TFR2: variants seen among roughly 807,000 people sequenced by gnomAD.
TFR2 encodes the protein transferrin receptor 2, also known as transferrin receptor protein 2.
Under a neutral mutation model 91.9 loss-of-function variants are expected in TFR2, and 64 were observed. The ratio of observed to expected loss-of-function variants is 0.70; its 90% CI spans 0.57 to 0.86. The LOEUF (loss-of-function observed/expected upper bound fraction) is 0.86. Among genes scored for constraint, TFR2 ranks in the 40% least tolerant of loss-of-function variants. The pLI, the probability that TFR2 is intolerant of heterozygous loss-of-function variation, is 0.00. For missense variants in TFR2, 950 were observed against 1,080.5 expected (o/e 0.88, Z 1.69); for synonymous variants, 454 against 459.6 (o/e 0.99, Z 0.15).
At chr7:100,632,738 CTTTTTTTT>C (rs35046097) in intron 6 of TFR2, 1 of 184,680 alleles carries the variant, frequency 5.4e-6, no homozygotes, top group Non-Finnish European at 9.6e-6. Context: ...AAAAAAGAAC[CTTTTTTTT>C]TTTTTTTTTT....
intron 6 of TFR2, chr7:100,632,738 CTT>C (rs35046097): frequency 0.029 from 5,372 of 183,198 alleles, 1 homozygote; most frequent in Middle Eastern, 0.052. Flanking sequence ...AAAAAAGAAC[CTT>C]TTTTTTTTTT....
intron 9 of TFR2, 107 bp from the exon 10 acceptor site, chr7:100,629,479 GCCCTGCAGT>G: frequency 3.8e-6 from 6 of 1,585,170 alleles, no homozygotes; most frequent in Non-Finnish European, 4.3e-6. Flanking sequence ...GGCAACCCTA[GCCCTGCAGT>G]CCCTCCAGTC....
chr7:100,631,949 C>T lies in TFR2; in HGVS notation c.967-4G>A, dbSNP rs2131318431. ...GGTCTCCAGTTCCCAGGTGCACCTGCAGGGAAAGGGGTGCCCACGCAAAGC... is the reference window on the plus strand; with the variant it reads ...GGTCTCCAGTTCCCAGGTGCACCTGTAGGGAAAGGGGTGCCCACGCAAAGC... On this transcript the variant is annotated splice_region_variant and splice_polypyrimidine_tract_variant and intron_variant, in intron 7 of 17. Coordinates refer to ENST00000223051, the MANE Select transcript of TFR2 (RefSeq NM_003227.4). 6.2e-7 allele frequency: 1 copy of T among 1,613,972 alleles called. No individual in the cohort carries two copies.
intron 16 of TFR2, 127 bp from the exon 17 acceptor site, chr7:100,627,030 A>C: frequency 7.1e-7 from 1 of 1,404,352 alleles, no homozygotes; most frequent in Non-Finnish European, 9.5e-7. Context: ...GGGAGGAGGT[A>C]GACGAGGACA....
chr7:100,639,808 G>A (rs1431374982), intron 3 of TFR2: 2 of 117,614 alleles, frequency 1.7e-5, no homozygotes, highest in Admixed American at 2.1e-4. Context: ...TTTTTGAGAT[G>A]GAGTCTCGCT....
chr7:100,626,667 A>G (rs1803258289), intron 17 of TFR2, 96 bp downstream of exon 17: 3 of 1,506,520 alleles, frequency 2.0e-6, no homozygotes, highest in East Asian at 2.5e-5. Flanking sequence ...GTAGGCGGGG[A>G]GAGAGAGGAG....
chr7:100,621,244 G>T, intron 17 of TFR2, 118 bp from the exon 18 acceptor site: 1 of 1,305,756 alleles, frequency 7.7e-7, no homozygotes, highest in Non-Finnish European at 1.0e-6. Context: ...TTCTTTTTGT[G>T]TTTGTTTTTT....
rs1287262020 is a variant in TFR2, at chr7:100,621,045, T to C, written c.2218A>G (p.Thr740Ala). 1 of 1,583,080 alleles carries C rather than the reference T, an allele frequency of 6.3e-7. No individual in the cohort carries two copies. The highest frequency in any genetic ancestry group is 1.8e-5 in the Admixed American group (1 of 54,984). Reference sequence around the variant, plus strand: ...AGGTGGTCCAGCAGGGCGCCCAGCGTGTGGTCTCCACGGCCCATGAAGATG... The same window carrying C: ...AGGTGGTCCAGCAGGGCGCCCAGCGCGTGGTCTCCACGGCCCATGAAGATG... Reference protein sequence around the residue: ...RHIFMGRGDHTLGALLDHLRL... With the variant: ...RHIFMGRGDHALGALLDHLRL... Residue 740 changes from threonine (T) to alanine (A), a missense_variant, in exon 18 of 18, where the codon ACG becomes GCG. Transcript: ENST00000223051.
In TFR2 at chr7:100,632,158, A is replaced by G. The variant is rs568004994; in HGVS notation, c.890T>C (p.Ile297Thr). Residue 297 changes from isoleucine to threonine, a missense_variant, in exon 7 of 18, where the codon ATA becomes ACA. Physicochemically the swap from Ile to Thr is moderately conservative, Grantham distance 89 (BLOSUM62 -1). Coordinates refer to ENST00000223051, the MANE Select transcript of TFR2 (RefSeq NM_003227.4). ...GGAGAAGTCCGCTGGCTCTGGGTAT[A>G]TGAGCACTCCTTGAGCCCCGAAGTC... ...AQDFGAQGVL[I>T]YPEPADFSQD... The G allele has an allele frequency of 1.2e-6, 2 of 1,614,082 alleles. No individual in the cohort carries two copies. The highest frequency in any genetic ancestry group is 1.1e-5 in the South Asian group (1 of 91,072).
rs80338882 is a variant in TFR2 at position 100,630,973 on chromosome 7, G to A, written c.1186C>T (p.Arg396Ter). The change falls in exon 9 of 18, where the codon CGA becomes TGA. Residue 396 changes from arginine (R) to a stop codon, truncating the protein, a stop_gained. Coordinates refer to ENST00000223051, the MANE Select transcript of TFR2 (RefSeq NM_003227.4). LOFTEE classifies it high-confidence loss of function. ...GSPYHLGPGP[R>*]LRLVVNNHRT... ...TGATTGTTGACCACTAGCCGCAGTC[G>A]TGGCCCGGGGCCCAGGTGATAAGGG... The A allele has an allele frequency of 8.1e-6, 13 of 1,612,574 alleles. No homozygotes were observed. Among genetic ancestry groups the A allele is most frequent in the Admixed American group, 1.7e-5 (1 of 59,908 alleles).
At chr7:100,641,357 G>A in intron 1 of TFR2, 120 bp downstream of exon 1, 2 of 1,438,580 alleles carry the variant, frequency 1.4e-6, no homozygotes, top group Non-Finnish European at 1.9e-6. Context: ...GGGAGGGGCA[G>A]GGGTGGGAAG....
In TFR2 at chr7:100,640,714, C is replaced by G. The variant is rs1287785388; in HGVS notation, c.445G>C (p.Gly149Arg). 6.2e-7 allele frequency: 1 copy of G among 1,613,566 alleles called. No homozygotes were observed. The highest frequency in any genetic ancestry group is 8.5e-7 in the Non-Finnish European group (1 of 1,179,860). Reference sequence around the variant, plus strand: ...ATGGTGTCCTCCAGGCGCCCCTCCCCCAGGAACTGCAGGAACATGGCCTGG... The same window carrying G: ...ATGGTGTCCTCCAGGCGCCCCTCCCGCAGGAACTGCAGGAACATGGCCTGG... ...DLQAMFLQFL[G>R]EGRLEDTIRQ... is the part of the protein sequence containing the mutation. The change falls in exon 3 of 18, where the codon GGG (glycine) becomes CGG (arginine). Residue 149 changes from glycine (G) to arginine (R), a missense_variant. Transcript: ENST00000223051.
Position 100,641,550 on chromosome 7 carries a change from G to A in TFR2, c.-41C>T, listed in dbSNP as rs1231668536. 8 of 1,609,638 alleles carry A rather than the reference G, an allele frequency of 5.0e-6. No individual in the cohort carries two copies. Among genetic ancestry groups the A allele is most frequent in the Non-Finnish European group, 5.9e-6 (7 of 1,177,936 alleles). ...TGAAGCCTGCAGGCTGTCCCCCAGC[G>A]ATAAACCGATAAACCGTTTGTGGGA... On this transcript the variant is annotated 5_prime_UTR_variant, in exon 1 of 18. Coordinates refer to ENST00000223051, the MANE Select transcript of TFR2 (RefSeq NM_003227.4).
rs3076877 is a variant in TFR2 at position 100,634,177 on chromosome 7, A to AACACACACACACACACACACACACAC, written c.474-647_474-622dup. 6.9e-4 allele frequency among the ~76,000 whole-genome samples: 91 copies of AACACACACACACACACACACACACAC among 132,798 alleles called. No individual in the cohort carries two copies. The East Asian group carries it at 9.2e-3, about 13-fold the overall frequency. The allele number at this position is 132,798 out of a possible 152,430, so 87.1% of individuals were successfully genotyped here. A position where few individuals can be genotyped will look rare whatever the true frequency, so the allele number is the denominator to read the frequency against. On this transcript the variant is annotated intron_variant, in intron 3 of 17. Transcript: ENST00000223051. ...CCCCAACCTCGTTCCTCCCGACGTC[A>AACACACACACACACACACACACACAC]ACACACACACACACACACACACACA...
Position 100,640,739 on chromosome 7 carries a change from G to C in TFR2, c.420C>G (p.Leu140=), listed in dbSNP as rs778911966. ...CCAGGAACTGCAGGAACATGGCCTG[G>C]AGGTCGCTCCAGTAGAGTCTGCCCT... ...FHQGRLYWSD[L]QAMFLQFLGE... The change falls in exon 3 of 18, where the codon CTC becomes CTG. Residue 140 remains leucine (L), a synonymous_variant. Transcript: ENST00000223051. 1.9e-6 allele frequency: 3 copies of C among 1,614,020 alleles called. No homozygotes were observed. Among genetic ancestry groups the C allele is most frequent in the Non-Finnish European group, 2.5e-6 (3 of 1,180,002 alleles).
Position 100,641,151 on chromosome 7 carries a change from T to C in TFR2, c.111A>G (p.Glu37=). 1 of 1,541,984 alleles carries C rather than the reference T, an allele frequency of 6.5e-7. No homozygotes were observed. The highest frequency in any genetic ancestry group is 1.2e-5 in the South Asian group (1 of 81,370). ...EGPRKGHLEE[E]EEDGEEGAET... is the part of the protein sequence containing the mutation. ...CCGCCCCCTCCTCCCCGTCTTCCTCTTCCTCCTCCAGGTGCCCTTTCCGGG... is the reference window on the plus strand; with the variant it reads ...CCGCCCCCTCCTCCCCGTCTTCCTCCTCCTCCTCCAGGTGCCCTTTCCGGG... Residue 37 remains glutamate, a synonymous_variant, in exon 2 of 18, where the codon GAA becomes GAG. Coordinates refer to ENST00000223051, the MANE Select transcript of TFR2 (RefSeq NM_003227.4).
At chr7:100,626,689 G>A in intron 17 of TFR2, 74 bp downstream of exon 17, 1 of 1,527,612 alleles carries the variant, frequency 6.5e-7, no homozygotes, top group Non-Finnish European at 8.8e-7. Context: ...GCGCAGACGG[G>A]GCCAGGTCCA....
chr7:100,620,856 C>G lies in TFR2; in HGVS notation c.*1G>C, dbSNP rs763463474. Reference sequence around the variant, plus strand: ...ACGGGGATGTGAGGATCCCCAGGGCCTCAGAAGTTGTTATCAATGTTCCAG... The same window carrying G: ...ACGGGGATGTGAGGATCCCCAGGGCGTCAGAAGTTGTTATCAATGTTCCAG... On this transcript the variant is annotated 3_prime_UTR_variant, in exon 18 of 18. Coordinates refer to ENST00000223051, the MANE Select transcript of TFR2 (RefSeq NM_003227.4). 1 of 1,614,010 alleles carries G rather than the reference C, an allele frequency of 6.2e-7. No homozygotes were observed. Among genetic ancestry groups the G allele is most frequent in the Non-Finnish European group, 8.5e-7 (1 of 1,179,866 alleles).
At position 100,629,266 on chromosome 7, in the gene TFR2, G is replaced by A. The variant is rs1215920663; in HGVS notation, c.1377C>T (p.Ser459=). 5 of 1,613,842 alleles carry A rather than the reference G, an allele frequency of 3.1e-6. No individual in the cohort carries two copies. Among genetic ancestry groups the A allele is most frequent in the Non-Finnish European group, 3.4e-6 (4 of 1,179,876 alleles). ...ILLELVRTFS[S]MVSNGFRPRR... ...CCCTGACCTTACCGTTGCTCACCAT[G>A]GAGGAAAAGGTCCGCACCAGCTCCA... The change falls in exon 10 of 18, where the codon TCC becomes TCT. Residue 459 remains serine, a synonymous_variant. Coordinates refer to ENST00000223051, the MANE Select transcript of TFR2 (RefSeq NM_003227.4).
Sources: gnomAD v4.1 joint callset for allele counts (sites outside exome capture counted in the v4.1 genomes callset) on GRCh38, gnomAD v4.1.1 for gene constraint, MANE v1.5 for transcripts, NCBI Gene and HGNC (gene_info 2026-07-23, HGNC 2026-07-21) for gene names.